The following WWOX variants were observed in gnomAD, a reference collection of about 807,000 sequenced individuals.
WWOX encodes WW domain containing oxidoreductase.
A neutral mutation model predicts 46.2 loss-of-function variants in WWOX; 69 were observed. The ratio of observed to expected loss-of-function variants is 1.49; its 90% CI spans 1.23 to 1.82. WWOX has a LOEUF of 1.82. Ranked by LOEUF, WWOX falls within the 40% of genes most tolerant of loss-of-function variation. The probability of loss-of-function intolerance (pLI) is 0.00; values close to 1 mark genes in which losing one functional copy is unlikely to be tolerated. For synonymous variants in WWOX, 359 were observed against 202.6 expected, an observed-to-expected ratio of 1.77 and a Z score of -6.56; for missense variants, 919 against 542.6, an observed-to-expected ratio of 1.69 and a Z score of -6.89.
At chr16:78,355,019 C>G (rs572587844) in intron 5 of WWOX, among the ~76,000 whole-genome samples, 7 of 152,188 alleles carry the variant, frequency 4.6e-5, no homozygotes, top group Non-Finnish European at 8.8e-5. Flanking sequence ...GTAGTCACAG[C>G]TACTTGGGAG....
At chr16:79,124,242 C>T (rs980249407) in intron 8 of WWOX, among the ~76,000 whole-genome samples, 3 of 152,126 alleles carry the variant, frequency 2.0e-5, no homozygotes, top group Non-Finnish European at 2.9e-5. Flanking sequence ...TGCCCCAGAA[C>T]TGGTCAAACG....
intron 8 of WWOX, among the ~76,000 whole-genome samples, chr16:79,132,166 A>ACACACACACC (rs1260096040): frequency 1.3e-3 from 180 of 141,856 alleles, no homozygotes; most frequent in African/African-American, 4.5e-3. Flanking sequence ...ACACACACAC[A>ACACACACACC]CCCCTTCCTA....
chr16:79,079,979 A>C (rs920685700), intron 8 of WWOX, among the ~76,000 whole-genome samples: 1 of 152,212 alleles, frequency 6.6e-6, no homozygotes, highest in African/African-American at 2.4e-5. Flanking sequence ...TATTTATTCT[A>C]CGGGTATTTG....
At chr16:79,102,351 G>A (rs948920293) in intron 8 of WWOX, among the ~76,000 whole-genome samples, 1 of 152,132 alleles carries the variant, frequency 6.6e-6, no homozygotes, top group Non-Finnish European at 1.5e-5. Context: ...AACTGGGAGG[G>A]TGTTTATCTG....
At chr16:78,372,014 G>A (rs1014845765) in intron 5 of WWOX, among the ~76,000 whole-genome samples, 4 of 152,154 alleles carry the variant, frequency 2.6e-5, no homozygotes, top group African/African-American at 7.2e-5. Flanking sequence ...CCTTGAAGAA[G>A]TGTACCTCCC....
chr16:78,982,940 T>C (rs1043609499), intron 8 of WWOX, among the ~76,000 whole-genome samples: 2 of 152,192 alleles, frequency 1.3e-5, no homozygotes, highest in Admixed American at 6.5e-5. Flanking sequence ...CCTGAGCAGA[T>C]TGCATATAAA....
rs187714862 is a variant in WWOX at position 78,769,474 on chromosome 16, C to G, written c.1056+336722C>G. 5.7e-3 allele frequency among the ~76,000 whole-genome samples: 875 copies of G among 152,180 alleles called. 3 individuals carry two copies. Among genetic ancestry groups the G allele is most frequent in the Non-Finnish European group, 9.5e-3 (645 of 68,000 alleles). On this transcript the variant is annotated intron_variant, in intron 8 of 8. Transcript: ENST00000566780. ...CAAAGTCCTTGCTTGCATTCTGTGA[C>G]AGATGGAGATAAAATGGGTAATTAA...
chr16:78,929,264 T>G (rs1275991289), intron 8 of WWOX, among the ~76,000 whole-genome samples: 1 of 152,082 alleles, frequency 6.6e-6, no homozygotes, highest in African/African-American at 2.4e-5. Context: ...ATTTTTTTTT[T>G]TGTATTTAAG....
At chr16:78,881,673 A>G (rs1211696047) in intron 8 of WWOX, among the ~76,000 whole-genome samples, 3 of 152,204 alleles carry the variant, frequency 2.0e-5, no homozygotes, top group African/African-American at 7.2e-5. Context: ...CAGATAGACA[A>G]TATTTGTACA....
At chr16:78,924,170 G>T (rs578134053) in intron 8 of WWOX, among the ~76,000 whole-genome samples, 55 of 152,248 alleles carry the variant, frequency 3.6e-4, no homozygotes, top group South Asian at 8.3e-4. Flanking sequence ...CAGAAAGAAG[G>T]CTGGGTAGAC....
At chr16:78,536,118 T>C (rs2043753263) in intron 8 of WWOX, among the ~76,000 whole-genome samples, 1 of 152,194 alleles carries the variant, frequency 6.6e-6, no homozygotes, top group South Asian at 2.1e-4. Flanking sequence ...TCATTAAGTG[T>C]TCCCTCCTAT....
intron 5 of WWOX, among the ~76,000 whole-genome samples, chr16:78,183,983 C>A (rs2035615033): frequency 6.6e-6 from 1 of 152,164 alleles, no homozygotes; most frequent in Admixed American, 6.5e-5. Flanking sequence ...ACACTTTGGG[C>A]AGGCTTCAGC....
At chr16:78,623,518 A>G (rs1213775566) in intron 8 of WWOX, among the ~76,000 whole-genome samples, 1 of 152,096 alleles carries the variant, frequency 6.6e-6, no homozygotes, top group East Asian at 1.9e-4. Context: ...CATCTCTACT[A>G]AAAATACAAA....
rs186279004 is a variant in WWOX, at chr16:78,339,517, C to T, written c.517-47343C>T. On this transcript the variant is annotated intron_variant, in intron 5 of 8. Coordinates refer to ENST00000566780, the MANE Select transcript of WWOX (RefSeq NM_016373.4). The stretch of plus-strand genomic sequence containing the variant: ...CCTGGAAAGTTCATTTACCTGTACC[C>T]GGAGTTGGAACTTCTCTTCCACATC... 1.3e-4 allele frequency among the ~76,000 whole-genome samples: 15 copies of T among 119,698 alleles called. 5 individuals carry two copies. Among genetic ancestry groups the T allele is most frequent in the African/African-American group, 4.0e-4 (14 of 35,388 alleles). 78.5% of individuals were successfully genotyped at this position (119,698 alleles called of 152,430 possible). A position where few individuals can be genotyped will look rare whatever the true frequency, so the allele number is the denominator to read the frequency against.
At chr16:79,036,795 C>A (rs139723454) in intron 8 of WWOX, among the ~76,000 whole-genome samples, 1 of 152,140 alleles carries the variant, frequency 6.6e-6, no homozygotes, top group Admixed American at 6.5e-5. Context: ...TGAGTGTATC[C>A]TGTTTCAGAA....
chr16:78,616,625 C>A (rs915341011), intron 8 of WWOX, among the ~76,000 whole-genome samples: 1 of 151,798 alleles, frequency 6.6e-6, no homozygotes, highest in African/African-American at 2.4e-5. Context: ...AAAACTTAGC[C>A]AGGCTCGGTG....
intron 8 of WWOX, among the ~76,000 whole-genome samples, chr16:78,504,847 A>G (rs1257988453): frequency 6.6e-6 from 1 of 152,164 alleles, no homozygotes; most frequent in Non-Finnish European, 1.5e-5. Flanking sequence ...TGGATTATTT[A>G]CTTTCTAGAA....
At position 79,058,106 on chromosome 16, in the gene WWOX, T is replaced by TA. The variant is rs1213609475; in HGVS notation, c.1057-153488dup. Among the ~76,000 whole-genome samples, 646 of 81,710 alleles carry TA rather than the reference T, an allele frequency of 7.9e-3. 3 individuals are homozygous for TA. The highest frequency in any genetic ancestry group is 0.035 in the South Asian group (105 of 2,988). 53.6% of individuals were successfully genotyped at this position (81,710 alleles called of 152,430 possible). A position where few individuals can be genotyped will look rare whatever the true frequency, so the allele number is the denominator to read the frequency against. ...GCCAGAGTAGGAGATATATCTTACTTAAAAAAAAAAAAAACAAACAAACAA... is the reference window on the plus strand; with the variant it reads ...GCCAGAGTAGGAGATATATCTTACTTAAAAAAAAAAAAAAACAAACAAACAA... On this transcript the variant is annotated intron_variant, in intron 8 of 8. Coordinates refer to ENST00000566780, the MANE Select transcript of WWOX (RefSeq NM_016373.4).
At chr16:78,267,224 C>G (rs2079385683) in intron 5 of WWOX, 1 of 152,190 alleles carries the variant, frequency 6.6e-6, no homozygotes, top group Non-Finnish European at 1.5e-5. Flanking sequence ...CACATACACA[C>G]ATGTACCCAC....
Sources: gnomAD v4.1 joint callset for allele counts (sites outside exome capture counted in the v4.1 genomes callset) on GRCh38, gnomAD v4.1.1 for gene constraint, MANE v1.5 for transcripts, NCBI Gene and HGNC (gene_info 2026-07-23, HGNC 2026-07-21) for gene names.